DYRK1A: variants seen among roughly 807,000 people sequenced by gnomAD.
DYRK1A encodes dual specificity tyrosine phosphorylation regulated kinase 1A.
Under a neutral mutation model 79.7 loss-of-function variants are expected in DYRK1A, and 9 were observed. The observed-to-expected ratio is 0.11, with a 90% CI of 0.07 to 0.20. The LOEUF is 0.20. Among genes scored for constraint, DYRK1A ranks in the 10% least tolerant of loss-of-function variants. The pLI is 1.00. For missense variants in DYRK1A, 622 were observed against 956.0 expected (o/e 0.65, Z 4.61); for synonymous variants, 349 against 329.7 (o/e 1.06, Z -0.63).
intron 2 of DYRK1A, among the ~76,000 whole-genome samples, chr21:37,457,060 A>G (rs1388886204): frequency 2.0e-5 from 3 of 150,322 alleles, no homozygotes; most frequent in African/African-American, 7.4e-5. Flanking sequence ...TTATTTATTT[A>G]TTTATTTATT....
intron 2 of DYRK1A, among the ~76,000 whole-genome samples, chr21:37,424,316 C>T: frequency 6.6e-6 from 1 of 152,078 alleles, no homozygotes; most frequent in Middle Eastern, 3.2e-3. Flanking sequence ...CTTTTGCACT[C>T]ATGTTTTTAC....
chr21:37,371,700 A>G (rs748736610), intron 1 of DYRK1A, among the ~76,000 whole-genome samples: 3 of 152,170 alleles, frequency 2.0e-5, no homozygotes, highest in Non-Finnish European at 4.4e-5. Context: ...ATACATAGTG[A>G]GTAATAGCTT....
chr21:37,512,709 T>A lies in DYRK1A; in HGVS notation c.*178T>A. On this transcript the variant is annotated 3_prime_UTR_variant, in exon 12 of 12. Transcript: ENST00000647188. ...GATTGCAAAGGGACATTGAAGTGTT[T>A]AAAAGAGCCATGTCCAAACCCATCT... 2.8e-6 allele frequency: 2 copies of A among 710,200 alleles called. No individual in the cohort carries two copies. The highest frequency in any genetic ancestry group is 4.6e-6 in the Non-Finnish European group (2 of 439,062). The allele number at this position is 710,200 out of a possible 1,614,324, so 44.0% of individuals were successfully genotyped here.
At chr21:37,384,491 AAAG>A (rs2049720886) in intron 1 of DYRK1A, among the ~76,000 whole-genome samples, 1 of 152,198 alleles carries the variant, frequency 6.6e-6, no homozygotes, top group Non-Finnish European at 1.5e-5. Context: ...TTGCCTGAAA[AAAG>A]CTTAAAAGCA....
intron 2 of DYRK1A, among the ~76,000 whole-genome samples, chr21:37,439,250 C>T (rs1465757799): frequency 6.6e-6 from 1 of 152,146 alleles, no homozygotes; most frequent in African/African-American, 2.4e-5. Context: ...AATTTTTCTG[C>T]TTTCCAGTTT....
intron 2 of DYRK1A, among the ~76,000 whole-genome samples, chr21:37,459,033 GCT>G (rs1444228584): frequency 1.3e-5 from 2 of 152,156 alleles, no homozygotes; most frequent in Non-Finnish European, 2.9e-5. Context: ...TGTTTCTGAT[GCT>G]CTCTGCTATT....
At chr21:37,391,271 C>T (rs1208878600) in intron 1 of DYRK1A, among the ~76,000 whole-genome samples, 2 of 152,128 alleles carry the variant, frequency 1.3e-5, no homozygotes, top group Non-Finnish European at 2.9e-5. Flanking sequence ...GCCTCCTGTT[C>T]GTCCTCTTTC....
rs757793083 is a variant in DYRK1A, at chr21:37,512,580, GT to G, written c.*57del. 5.1e-6 allele frequency: 8 copies of G among 1,578,342 alleles called. No individual in the cohort carries two copies. Among genetic ancestry groups the G allele is most frequent in the Middle Eastern group, 3.8e-4 (2 of 5,290 alleles). On this transcript the variant is annotated 3_prime_UTR_variant, in exon 12 of 12. Coordinates refer to ENST00000647188, the MANE Select transcript of DYRK1A (RefSeq NM_001347721.2). ...TCTTGTGTGTTTTTATAGAAGTGGT[GT>G]TTTTTTTCCAAAAACAAAGTGCAAA...
At chr21:37,368,730 A>G (rs868625675) in intron 1 of DYRK1A, among the ~76,000 whole-genome samples, 1 of 152,182 alleles carries the variant, frequency 6.6e-6, no homozygotes, top group Non-Finnish European at 1.5e-5. Context: ...CTAAGGTCAT[A>G]CAGCTGGGAC....
intron 1 of DYRK1A, chr21:37,410,686 C>T (rs2050226006): frequency 6.6e-6 from 1 of 152,226 alleles, no homozygotes; most frequent in African/African-American, 2.4e-5. Flanking sequence ...TGCCACCATA[C>T]TCGGCTCATT....
intron 2 of DYRK1A, among the ~76,000 whole-genome samples, chr21:37,468,714 A>G (rs1406505561): frequency 6.6e-6 from 1 of 152,024 alleles, no homozygotes; most frequent in Non-Finnish European, 1.5e-5. Context: ...TCAAATGCAA[A>G]TGGATTTTGC....
chr21:37,369,592 C>T (rs771941384), intron 1 of DYRK1A, among the ~76,000 whole-genome samples: 2 of 152,200 alleles, frequency 1.3e-5, no homozygotes, highest in Non-Finnish European at 2.9e-5. Context: ...AAAAAGTTCT[C>T]TTGTAAAAAG....
intron 1 of DYRK1A, among the ~76,000 whole-genome samples, chr21:37,385,924 GA>G (rs1009577605): frequency 2.0e-5 from 3 of 152,118 alleles, no homozygotes; most frequent in Admixed American, 2.0e-4. Context: ...CTTGGAGATT[GA>G]CAGCTCACAT....
At chr21:37,378,417 A>G (rs2049591355) in intron 1 of DYRK1A, among the ~76,000 whole-genome samples, 1 of 152,244 alleles carries the variant, frequency 6.6e-6, no homozygotes, top group Non-Finnish European at 1.5e-5. Context: ...CTGTAATCCC[A>G]GCTACTGGGG....
At chr21:37,451,111 G>T (rs1433592356) in intron 2 of DYRK1A, among the ~76,000 whole-genome samples, 1 of 152,122 alleles carries the variant, frequency 6.6e-6, no homozygotes, top group Non-Finnish European at 1.5e-5. Flanking sequence ...AGAATGTAAA[G>T]AAAGAAAACA....
intron 4 of DYRK1A, among the ~76,000 whole-genome samples, chr21:37,478,865 A>G (rs1245453052): frequency 1.3e-5 from 2 of 152,198 alleles, no homozygotes; most frequent in Admixed American, 6.5e-5. Context: ...TGTTGTAAGT[A>G]AATAAGATAA....
chr21:37,458,635 A>C (rs776188249), intron 2 of DYRK1A, among the ~76,000 whole-genome samples: 1 of 152,190 alleles, frequency 6.6e-6, no homozygotes, highest in Non-Finnish European at 1.5e-5. Flanking sequence ...GCTGGGGCCA[A>C]GGCAAGCAAA....
At position 37,517,964 on chromosome 21, in the gene DYRK1A, GC is replaced by G. The variant is rs1281075622; in HGVS notation, c.*5434del. ...GCTGGAGTTTGGTGGTGTGATTGCA[GC>G]TCACTGCAGCCTTAAACAACTGGGC... is the stretch of plus-strand genomic sequence containing the variant. On this transcript the variant is annotated 3_prime_UTR_variant, in exon 12 of 12. Coordinates refer to ENST00000647188, the MANE Select transcript of DYRK1A (RefSeq NM_001347721.2). The G allele has an allele frequency of 6.6e-6, 1 of 152,192 alleles. No homozygotes were observed. Among genetic ancestry groups the G allele is most frequent in the Non-Finnish European group, 1.5e-5 (1 of 68,048 alleles). 9.4% of individuals were successfully genotyped at this position (152,192 alleles called of 1,614,324 possible).
At chr21:37,467,741 A>G (rs1235290424) in intron 2 of DYRK1A, among the ~76,000 whole-genome samples, 2 of 152,188 alleles carry the variant, frequency 1.3e-5, no homozygotes, top group African/African-American at 4.8e-5. Context: ...TGCAGCAACC[A>G]TAATACTGGA....
Sources: gnomAD v4.1 joint callset for allele counts (sites outside exome capture counted in the v4.1 genomes callset) on GRCh38, gnomAD v4.1.1 for gene constraint, MANE v1.5 for transcripts, NCBI Gene and HGNC (gene_info 2026-07-23, HGNC 2026-07-21) for gene names.